The following PRKN variants were observed in gnomAD, a reference collection of about 807,000 sequenced individuals.
The protein encoded by PRKN is E3 ubiquitin-protein ligase parkin.
In PRKN, 56 loss-of-function variants were observed where a neutral mutation model predicts 59.5. The observed-to-expected ratio is 0.94, with a 90% CI of 0.76 to 1.18. The LOEUF (loss-of-function observed/expected upper bound fraction) is 1.18, where lower values mean the gene tolerates loss of function less well. Among genes scored for constraint, PRKN ranks in the 50% most tolerant of loss-of-function variants. The probability of loss-of-function intolerance (pLI) is 0.00; values close to 1 mark genes in which losing one functional copy is unlikely to be tolerated. For missense variants in PRKN, 657 were observed against 596.4 expected, an observed-to-expected ratio of 1.10 and a Z score of -1.06; for synonymous variants, 250 against 222.1, an observed-to-expected ratio of 1.13 and a Z score of -1.12.
At chr6:162,288,545 A>T (rs1464647827) in intron 2 of PRKN, among the ~76,000 whole-genome samples, 1 of 152,166 alleles carries the variant, frequency 6.6e-6, no homozygotes, top group Non-Finnish European at 1.5e-5. Flanking sequence ...ACATGAAGTG[A>T]CAGAGACTTC....
In PRKN at chr6:161,405,367, C is replaced by T. The variant is rs1349268122; in HGVS notation, c.1084-18490G>A. The stretch of plus-strand genomic sequence containing the variant: ...CTGAGGCAGGTGGATCAATTGAGGT[C>T]AGGAGTTCGAGACCAGCCTGGCCAA... On this transcript the variant is annotated intron_variant, in intron 9 of 11. Transcript: ENST00000366898. The surrounding 1 kb of genome is among the most constrained non-coding windows in gnomAD (Gnocchi z 5.1). Among the ~76,000 whole-genome samples the T allele has an allele frequency of 2.0e-5, 3 of 152,020 alleles. No individual in the cohort carries two copies. Among genetic ancestry groups the T allele is most frequent in the Non-Finnish European group, 4.4e-5 (3 of 68,008 alleles).
intron 7 of PRKN, among the ~76,000 whole-genome samples, chr6:161,671,958 T>C (rs1038945341): frequency 1.3e-5 from 2 of 152,190 alleles, no homozygotes; most frequent in Non-Finnish European, 2.9e-5. Flanking sequence ...CCGACGCTTC[T>C]GGAAACTGCA....
At chr6:162,185,201 C>A (rs1252055984) in intron 4 of PRKN, among the ~76,000 whole-genome samples, 1 of 152,106 alleles carries the variant, frequency 6.6e-6, no homozygotes, top group Admixed American at 6.6e-5. Context: ...CTAAACTCAT[C>A]TTAATTTTCC....
rs1050029469 is a variant in PRKN, at chr6:162,331,863, T to A, written c.172-69098A>T. On this transcript the variant is annotated intron_variant, in intron 2 of 11. Transcript: ENST00000366898. ...TGACACTGCAACTCAGTATGGAATA[T>A]GTGTTCCCCTTGTAGCTTCCTCCAC... Among the ~76,000 whole-genome samples, 5 of 152,180 alleles carry A rather than the reference T, an allele frequency of 3.3e-5. No individual in the cohort carries two copies. In the East Asian group the frequency reaches 9.6e-4, roughly 29 times the overall value.
At chr6:161,941,403 C>T (rs1304605162) in intron 6 of PRKN, among the ~76,000 whole-genome samples, 1 of 152,168 alleles carries the variant, frequency 6.6e-6, no homozygotes, top group Admixed American at 6.5e-5. Context: ...GGAGGAGATC[C>T]CAGGCTGCTG....
chr6:162,182,965 C>T (rs1400613387), intron 4 of PRKN, among the ~76,000 whole-genome samples: 1 of 151,902 alleles, frequency 6.6e-6, no homozygotes, highest in Non-Finnish European at 1.5e-5. Context: ...ATTTCTGACA[C>T]CTTTTTTTCT....
intron 9 of PRKN, among the ~76,000 whole-genome samples, chr6:161,430,143 C>T (rs2115049598): frequency 6.6e-6 from 1 of 152,236 alleles, no homozygotes. Context: ...CTGCCATTGT[C>T]AACAGAGGGA....
chr6:161,472,552 C>T (rs1380611417), intron 9 of PRKN, among the ~76,000 whole-genome samples: 2 of 152,132 alleles, frequency 1.3e-5, no homozygotes, highest in Non-Finnish European at 2.9e-5. Context: ...GAAATCATAA[C>T]ATTCCTAGTA....
At chr6:161,727,039 C>A (rs147229784) in intron 7 of PRKN, among the ~76,000 whole-genome samples, 1 of 152,072 alleles carries the variant, frequency 6.6e-6, no homozygotes, top group Non-Finnish European at 1.5e-5. Context: ...AGTGTCTGGA[C>A]GAGGCGGATC....
intron 1 of PRKN, among the ~76,000 whole-genome samples, chr6:162,708,719 A>C (rs1337653003): frequency 6.6e-6 from 1 of 152,216 alleles, no homozygotes; most frequent in Non-Finnish European, 1.5e-5. Flanking sequence ...CACCTTCAGA[A>C]ATAACACTGC....
chr6:162,418,379 T>C (rs1425715851), intron 2 of PRKN, among the ~76,000 whole-genome samples: 1 of 152,108 alleles, frequency 6.6e-6, no homozygotes, highest in Admixed American at 6.6e-5. Flanking sequence ...TGAGGTTTTC[T>C]TTTGGGGTTG....
At chr6:162,301,478 A>G (rs1337043186) in intron 2 of PRKN, among the ~76,000 whole-genome samples, 1 of 152,062 alleles carries the variant, frequency 6.6e-6, no homozygotes, top group Non-Finnish European at 1.5e-5. Context: ...TAGACAACAG[A>G]CACTGATTTT....
At chr6:161,652,018 A>C (rs1436207803) in intron 7 of PRKN, among the ~76,000 whole-genome samples, 1 of 152,202 alleles carries the variant, frequency 6.6e-6, no homozygotes, top group Admixed American at 6.5e-5. Context: ...TTTTCCAACC[A>C]ATTTACAAAT....
At chr6:162,276,990 A>G (rs937155350) in intron 2 of PRKN, among the ~76,000 whole-genome samples, 1 of 152,208 alleles carries the variant, frequency 6.6e-6, no homozygotes, top group East Asian at 1.9e-4. Flanking sequence ...CATTAAAGAA[A>G]AAATCCATGA....
At chr6:161,935,574 AG>A (rs1345756362) in intron 6 of PRKN, among the ~76,000 whole-genome samples, 8 of 151,212 alleles carry the variant, frequency 5.3e-5, no homozygotes, top group African/African-American at 2.0e-4. Context: ...AAAAAAAAGA[AG>A]AAGAAGAAGA....
chr6:161,969,042 A>C (rs905283774), intron 6 of PRKN, among the ~76,000 whole-genome samples: 2 of 152,212 alleles, frequency 1.3e-5, no homozygotes, highest in African/African-American at 4.8e-5. Context: ...TCAAATAGGC[A>C]AAGACAAAAA....
At chr6:161,659,703 G>C (rs1784476073) in intron 7 of PRKN, among the ~76,000 whole-genome samples, 2 of 152,126 alleles carry the variant, frequency 1.3e-5, no homozygotes, top group African/African-American at 4.8e-5. Flanking sequence ...GTCGGGTTTT[G>C]GAGTCAGACA....
rs149650564 is a variant in PRKN at position 161,369,355 on chromosome 6, G to T, written c.1168-9150C>A. Among the ~76,000 whole-genome samples, 290 of 152,268 alleles carry T rather than the reference G, an allele frequency of 1.9e-3. 1 individual carries two copies. Among genetic ancestry groups the T allele is most frequent in the African/African-American group, 6.3e-3 (262 of 41,550 alleles). On this transcript the variant is annotated intron_variant, in intron 10 of 11. Coordinates refer to ENST00000366898, the MANE Select transcript of PRKN (RefSeq NM_004562.3). The surrounding 1 kb of genome is among the most constrained non-coding windows in gnomAD (Gnocchi z 5.8). ...TAGAATCCCTAAAAATGCCCTAAGG[G>T]GTTGCGAGGGGCGGGAGGTTTGGGA...
chr6:161,672,179 T>C (rs1784934029), intron 7 of PRKN, among the ~76,000 whole-genome samples: 1 of 152,180 alleles, frequency 6.6e-6, no homozygotes, highest in Non-Finnish European at 1.5e-5. Context: ...ACAGTCTGAT[T>C]TCCAACAAAA....
Sources: allele counts gnomAD v4.1 joint callset (sites outside exome capture counted in the v4.1 genomes callset), GRCh38; gene constraint gnomAD v4.1.1; non-coding constraint Gnocchi (gnomAD v3.1); transcripts MANE v1.5; gene names NCBI Gene and HGNC (gene_info 2026-07-23, HGNC 2026-07-21).